USP25: variants seen among roughly 807,000 people sequenced by gnomAD.
USP25 encodes the protein ubiquitin specific peptidase 25, also known as ubiquitin carboxyl-terminal hydrolase 25.
A neutral mutation model predicts 158.5 loss-of-function variants in USP25; 85 were observed. That is an observed-to-expected ratio of 0.54 (90% CI 0.45 to 0.64). The LOEUF is 0.64. USP25 is among the 30% of genes least tolerant of loss of function. The pLI, the probability that USP25 is intolerant of heterozygous loss-of-function variation, is 0.00. For missense variants in USP25, 1,242 were observed against 1,327.3 expected, an observed-to-expected ratio of 0.94 and a Z score of 1.00; for synonymous variants, 464 against 460.4, an observed-to-expected ratio of 1.01 and a Z score of -0.10.
At chr21:15,785,068 T>C (rs959289934) in intron 4 of USP25, among the ~76,000 whole-genome samples, 1 of 148,602 alleles carries the variant, frequency 6.7e-6, no homozygotes, top group Non-Finnish European at 1.5e-5. Context: ...GACAAAGATA[T>C]CCCATGCAAA....
At position 15,878,430 on chromosome 21, in the gene USP25, C is replaced by T. The variant is rs141841248; in HGVS notation, c.3333C>T (p.Ala1111=). The T allele has an allele frequency of 2.4e-3, 3,944 of 1,614,002 alleles. 4 individuals are homozygous for T. The highest frequency in any genetic ancestry group is 7.8e-3 in the Middle Eastern group (47 of 6,062). ...CGCATGAACTCTGTGAGCGATTTGC[C>T]CGAATCATGTTGTCCCTCAGTCGAA... ...YSTHELCERF[A]RIMLSLSRTP... is the part of the protein sequence containing the mutation. Residue 1111 remains alanine, a synonymous_variant, in exon 26 of 26, where the codon GCC becomes GCT. Transcript: ENST00000400183.
chr21:15,733,524 G>A (rs2031173502), intron 1 of USP25, among the ~76,000 whole-genome samples: 1 of 152,054 alleles, frequency 6.6e-6, no homozygotes, highest in African/African-American at 2.4e-5. Flanking sequence ...TTGAAGCCAG[G>A]AGTTCAAAAC....
Position 15,866,446 on chromosome 21 carries a change from G to C in USP25, c.2805+102G>C, listed in dbSNP as rs1334603213. ...AACTGAAGTTGAATTTGTTATGAAT[G>C]ATGAGTAAAAAAATTAAGTTTCCAA... On this transcript the variant is annotated intron_variant, in intron 22 of 25. Transcript: ENST00000400183. The C allele has an allele frequency of 5.2e-6, 4 of 774,104 alleles. No homozygotes were observed. In the African/African-American group the frequency reaches 5.4e-5, roughly 10 times the overall value. 48.0% of individuals were successfully genotyped at this position (774,104 alleles called of 1,614,324 possible).
intron 4 of USP25, among the ~76,000 whole-genome samples, chr21:15,784,171 G>A (rs1289551439): frequency 6.6e-6 from 1 of 152,214 alleles, no homozygotes; most frequent in African/African-American, 2.4e-5. Context: ...GAATACCCCA[G>A]TGCTGTAATG....
At position 15,763,017 on chromosome 21, in the gene USP25, T is replaced by C. The variant is rs746558782; in HGVS notation, c.123+49T>C. On this transcript the variant is annotated intron_variant, in intron 2 of 25. Coordinates refer to ENST00000400183, the MANE Select transcript of USP25 (RefSeq NM_001283041.3). ...ACAGTTTGTGGTATATGCTCATCTC[T>C]AGTGCGTATTATATTTGATAGTTGA... 7 of 1,509,298 alleles carry C rather than the reference T, an allele frequency of 4.6e-6. No individual in the cohort carries two copies. In the East Asian group the frequency reaches 1.4e-4, roughly 30 times the overall value. The allele number at this position is 1,509,298 out of a possible 1,614,324, so 93.5% of individuals were successfully genotyped here. A position where few individuals can be genotyped will look rare whatever the true frequency, so the allele number is the denominator to read the frequency against.
Position 15,826,412 on chromosome 21 carries a change from C to G in USP25, c.1466+47C>G. ...AGAGACAGTTGTTACCTTTATTACA[C>G]AATAATGTAACTGCTGCCTTTAAAG... On this transcript the variant is annotated intron_variant, in intron 13 of 25. Coordinates refer to ENST00000400183, the MANE Select transcript of USP25 (RefSeq NM_001283041.3). This position sits in a 1 kb window ranked among gnomAD's most constrained non-coding sequence, Gnocchi z 4.8. 4.4e-6 allele frequency: 7 copies of G among 1,590,492 alleles called. No homozygotes were observed. The highest frequency in any genetic ancestry group is 6.0e-6 in the Non-Finnish European group (7 of 1,163,142).
chr21:15,730,734 C>G (rs1269876988), intron 1 of USP25, among the ~76,000 whole-genome samples: 1 of 152,186 alleles, frequency 6.6e-6, no homozygotes, highest in Non-Finnish European at 1.5e-5. Flanking sequence ...TGTGTGGCAT[C>G]TTAATGAAAC....
At chr21:15,860,917 A>G (rs933708534) in intron 20 of USP25, among the ~76,000 whole-genome samples, 1 of 150,784 alleles carries the variant, frequency 6.6e-6, no homozygotes, top group African/African-American at 2.4e-5. Flanking sequence ...TATTTTTGGT[A>G]TCCACATACT....
chr21:15,790,767 T>G (rs774954020), intron 4 of USP25, among the ~76,000 whole-genome samples: 1 of 151,992 alleles, frequency 6.6e-6, no homozygotes, highest in South Asian at 2.1e-4. Flanking sequence ...ATTATACTTA[T>G]GTTGTTGCAT....
At chr21:15,767,991 C>G (rs2034140386) in intron 3 of USP25, among the ~76,000 whole-genome samples, 1 of 151,968 alleles carries the variant, frequency 6.6e-6, no homozygotes, top group Admixed American at 6.6e-5. Context: ...AATAGGTTCC[C>G]TTAGGGAGAA....
intron 1 of USP25, among the ~76,000 whole-genome samples, chr21:15,735,355 C>T (rs1313892104): frequency 3.3e-5 from 5 of 151,990 alleles, no homozygotes; most frequent in Non-Finnish European, 5.9e-5. Context: ...GTCATTATTC[C>T]CTAACAATAC....
At chr21:15,849,739 A>G in intron 19 of USP25, 38 bp from the exon 20 acceptor site, 1 of 1,461,930 alleles carries the variant, frequency 6.8e-7, no homozygotes, top group Non-Finnish European at 9.2e-7. Context: ...ATTTTAGTTT[A>G]AAAACCTTTT....
rs375136079 is a variant in USP25 at position 15,810,680 on chromosome 21, A to AT, written c.858-450dup. 2.1e-3 allele frequency among the ~76,000 whole-genome samples: 322 copies of AT among 152,160 alleles called. 2 individuals carry two copies. Among genetic ancestry groups the AT allele is most frequent in the African/African-American group, 7.6e-3 (315 of 41,512 alleles). ...CCCTGGTGAGGGTTGTTGTTTTTGG[A>AT]TTTTTTTGGACTCTTCCATGTAAAT... On this transcript the variant is annotated intron_variant, in intron 8 of 25. Coordinates refer to ENST00000400183, the MANE Select transcript of USP25 (RefSeq NM_001283041.3).
In USP25 at chr21:15,824,243, G is replaced by A. The variant is rs2037376579; in HGVS notation, c.1208+77G>A. ...AAAATATTGTTTAGAGGAAAATTCTGCATAATTTTCTTAGAATTAATTTCT... is the reference window on the plus strand; with the variant it reads ...AAAATATTGTTTAGAGGAAAATTCTACATAATTTTCTTAGAATTAATTTCT... On this transcript the variant is annotated intron_variant, in intron 11 of 25. Transcript: ENST00000400183. 6.5e-6 allele frequency: 10 copies of A among 1,532,098 alleles called. No homozygotes were observed. In the South Asian group the frequency reaches 7.3e-5, roughly 11 times the overall value. 94.9% of individuals were successfully genotyped at this position (1,532,098 alleles called of 1,614,324 possible).
intron 23 of USP25, among the ~76,000 whole-genome samples, chr21:15,872,014 G>GTTTTTTTTTT (rs1158862222): frequency 2.8e-5 from 2 of 71,640 alleles, no homozygotes; most frequent in African/African-American, 5.2e-5. Flanking sequence ...AAGAAATACT[G>GTTTTTTTTTT]TTTTTTTTTT....
intron 3 of USP25, among the ~76,000 whole-genome samples, chr21:15,774,234 T>C (rs1472763809): frequency 6.6e-6 from 1 of 152,204 alleles, no homozygotes; most frequent in Admixed American, 6.5e-5. Flanking sequence ...GATGGATCTT[T>C]TACCCATGCA....
chr21:15,791,702 T>C (rs944191364), intron 5 of USP25, 38 bp downstream of exon 5: 4 of 1,564,142 alleles, frequency 2.6e-6, no homozygotes, highest in Non-Finnish European at 2.6e-6. Context: ...ATTTGATGTG[T>C]GTGATAGCAA....
At chr21:15,847,037 T>C (rs1568883949) in intron 18 of USP25, among the ~76,000 whole-genome samples, 2 of 152,166 alleles carry the variant, frequency 1.3e-5, no homozygotes, top group East Asian at 1.9e-4. Flanking sequence ...ACTTAAGATA[T>C]AAATATACTG....
At chr21:15,786,130 G>A (rs983130412) in intron 4 of USP25, among the ~76,000 whole-genome samples, 3 of 152,232 alleles carry the variant, frequency 2.0e-5, no homozygotes, top group Admixed American at 1.3e-4. Context: ...ACCACAACGA[G>A]TGGGAGAATT....
Sources: allele counts gnomAD v4.1 joint callset (sites outside exome capture counted in the v4.1 genomes callset), GRCh38; gene constraint gnomAD v4.1.1; non-coding constraint Gnocchi (gnomAD v3.1); transcripts MANE v1.5; gene names NCBI Gene and HGNC (gene_info 2026-07-23, HGNC 2026-07-21).